Variants in CAMKK2 observed in about 807,000 individuals in gnomAD.
CAMKK2 encodes the protein calcium/calmodulin-dependent protein kinase kinase 2.
Under a neutral mutation model 67.2 loss-of-function variants are expected in CAMKK2, and 30 were observed. The observed-to-expected ratio is 0.45, with a 90% CI of 0.33 to 0.61. The LOEUF (loss-of-function observed/expected upper bound fraction) is 0.61. CAMKK2 is among the 20% of genes least tolerant of loss of function. The probability of loss-of-function intolerance (pLI) is 0.02; values close to 1 mark genes in which losing one functional copy is unlikely to be tolerated. For synonymous variants in CAMKK2, 322 were observed against 326.2 expected (o/e 0.99, Z 0.14); for missense variants, 643 against 802.0 (o/e 0.80, Z 2.39).
At chr12:121,287,217 A>G (rs1429059302) in intron 1 of CAMKK2, among the ~76,000 whole-genome samples, 1 of 152,080 alleles carries the variant, frequency 6.6e-6, no homozygotes, top group Non-Finnish European at 1.5e-5. Context: ...GTTTCAATTT[A>G]TTTTAAAACG....
At chr12:121,297,404 G>C, upstream of CAMKK2, 1 of 354,604 alleles carries the variant, frequency 2.8e-6, no homozygotes, top group East Asian at 7.5e-5. Flanking sequence ...AAAGGCTGGG[G>C]GAAGGCGTTC....
chr12:121,244,053 G>A, intron 16 of CAMKK2: 1 of 1,596,052 alleles, frequency 6.3e-7, no homozygotes, highest in Non-Finnish European at 8.5e-7. Flanking sequence ...CTGACAGCAA[G>A]AAGGTCTGCA....
At chr12:121,247,363 G>A (rs572921849) in intron 14 of CAMKK2, among the ~76,000 whole-genome samples, 2 of 152,266 alleles carry the variant, frequency 1.3e-5, no homozygotes, top group African/African-American at 4.8e-5. Flanking sequence ...GAAACCACTC[G>A]GTGTTCAACA....
At chr12:121,246,653 C>A (rs1486800498) in intron 14 of CAMKK2, among the ~76,000 whole-genome samples, 1 of 152,108 alleles carries the variant, frequency 6.6e-6, no homozygotes, top group African/African-American at 2.4e-5. Flanking sequence ...GATGTCACTC[C>A]CCAGGTGAGC....
In CAMKK2 at chr12:121,253,544, G is replaced by A; in HGVS notation, c.908-72C>T. ...CGTGAGCACCTCTATGCGGCCACAT[G>A]GCCTGGAGACACAGGCATGGCACCC... On this transcript the variant is annotated intron_variant, in intron 9 of 16. Coordinates refer to ENST00000404169, the MANE Select transcript of CAMKK2 (RefSeq NM_001270485.2). This position sits in a 1 kb window ranked among gnomAD's most constrained non-coding sequence, Gnocchi z 5.0. 4 of 1,301,864 alleles carry A rather than the reference G, an allele frequency of 3.1e-6. No homozygotes were observed. The South Asian group carries it at 3.6e-5, about 12-fold the overall frequency. The allele number at this position is 1,301,864 out of a possible 1,614,324, so 80.6% of individuals were successfully genotyped here. A position where few individuals can be genotyped will look rare whatever the true frequency, so the allele number is the denominator to read the frequency against.
chr12:121,297,739 TC>T (rs1901539658), upstream of CAMKK2: 1 of 511,362 alleles, frequency 2.0e-6, no homozygotes, highest in African/African-American at 1.9e-5. Flanking sequence ...AATAAAAGGT[TC>T]AAAGCCCTCT....
Position 121,255,735 on chromosome 12 carries a change from G to C in CAMKK2, c.818+48C>G, listed in dbSNP as rs371435898. On this transcript the variant is annotated intron_variant, in intron 8 of 16. Transcript: ENST00000404169. The stretch of plus-strand genomic sequence containing the variant: ...CAGTGGCACCTCACTCAGCTATGCA[G>C]CTACAGAAGCTTCTTGCATCACCCC... 28 of 1,611,306 alleles carry C rather than the reference G, an allele frequency of 1.7e-5. No individual in the cohort carries two copies. In the African/African-American group the frequency reaches 3.5e-4, roughly 20 times the overall value.
intron 16 of CAMKK2, 96 bp downstream of exon 16, chr12:121,244,474 GAGC>G: frequency 2.6e-6 from 3 of 1,158,126 alleles, no homozygotes; most frequent in Non-Finnish European, 3.7e-6. Flanking sequence ...AGGCTGGAAG[GAGC>G]ATCTGCCCGG....
chr12:121,242,349 A>C, intron 16 of CAMKK2, among the ~76,000 whole-genome samples: 1 of 151,320 alleles, frequency 6.6e-6, no homozygotes, highest in Non-Finnish European at 1.5e-5. Context: ...TCTCAAAAAA[A>C]AAAAAGAAAG....
upstream of CAMKK2, chr12:121,296,717 C>T (rs1470848833): frequency 4.8e-5 from 7 of 147,350 alleles, no homozygotes; most frequent in Non-Finnish European, 7.6e-5. This position sits in a 1 kb window ranked among gnomAD's most constrained non-coding sequence, Gnocchi z 7.1. Flanking sequence ...TCTGCGCGGC[C>T]GCGCGCTCCT....
At chr12:121,266,854 G>A (rs901791610) in intron 5 of CAMKK2, among the ~76,000 whole-genome samples, 3 of 151,904 alleles carry the variant, frequency 2.0e-5, no homozygotes, top group African/African-American at 7.3e-5. Context: ...AATGCTGGCA[G>A]GGAGCTTATG....
intron 16 of CAMKK2, 45 bp downstream of exon 16, chr12:121,244,528 C>G: frequency 5.2e-6 from 8 of 1,541,856 alleles, no homozygotes; most frequent in South Asian, 1.2e-5. Flanking sequence ...CACCCGCCCC[C>G]CTCAGGCCCC....
chr12:121,254,380 C>T (rs1891428688), intron 9 of CAMKK2, among the ~76,000 whole-genome samples: 3 of 152,064 alleles, frequency 2.0e-5, no homozygotes, highest in Admixed American at 6.6e-5. Flanking sequence ...ATTGCTTGAA[C>T]CCAGGAGGCA....
At chr12:121,283,665 A>T (rs1255182077) in intron 1 of CAMKK2, among the ~76,000 whole-genome samples, 2 of 152,134 alleles carry the variant, frequency 1.3e-5, no homozygotes, top group Non-Finnish European at 2.9e-5. Context: ...AAATTTTTTA[A>T]ATTAGTTGGG....
At chr12:121,281,067 C>T (rs1189211281) in intron 1 of CAMKK2, among the ~76,000 whole-genome samples, 1 of 152,216 alleles carries the variant, frequency 6.6e-6, no homozygotes, top group South Asian at 2.1e-4. Context: ...ACGGAACCTA[C>T]CGACATGTGA....
intron 14 of CAMKK2, among the ~76,000 whole-genome samples, chr12:121,248,063 T>C (rs968540612): frequency 2.0e-5 from 3 of 152,220 alleles, no homozygotes; most frequent in East Asian, 1.9e-4. Context: ...CTGAGGACTC[T>C]ACATTCTGGC....
At position 121,242,352 on chromosome 12, in the gene CAMKK2, AAAG is replaced by A. The variant is rs553571259; in HGVS notation, c.1597-1486_1597-1484del. On this transcript the variant is annotated intron_variant, in intron 16 of 16. Coordinates refer to ENST00000404169, the MANE Select transcript of CAMKK2 (RefSeq NM_001270485.2). Reference sequence around the variant, plus strand: ...TGCAAGACCCTGTCTCAAAAAAAAAAAAGAAAGAAAGAAAGAAAGAAAGAAAAT... The same window carrying A: ...TGCAAGACCCTGTCTCAAAAAAAAAAAAAGAAAGAAAGAAAGAAAGAAAAT... 9.5e-3 allele frequency among the ~76,000 whole-genome samples: 1,257 copies of A among 131,996 alleles called. 13 individuals carry two copies. The highest frequency in any genetic ancestry group is 0.036 in the African/African-American group (1,197 of 33,468). 86.6% of individuals were successfully genotyped at this position (131,996 alleles called of 152,430 possible). A position where few individuals can be genotyped will look rare whatever the true frequency, so the allele number is the denominator to read the frequency against.
At chr12:121,242,985 G>A (rs984773832) in intron 16 of CAMKK2, among the ~76,000 whole-genome samples, 13 of 150,608 alleles carry the variant, frequency 8.6e-5, no homozygotes, top group Middle Eastern at 6.9e-3. Flanking sequence ...CTCGTCATTC[G>A]CCTGCCTTGG....
rs193198274 is a variant in CAMKK2 at position 121,246,673 on chromosome 12, C to A, written c.1453-1433G>T. Among the ~76,000 whole-genome samples the A allele has an allele frequency of 1.0e-3, 154 of 152,240 alleles. 3 individuals are homozygous for A. Among genetic ancestry groups the A allele is most frequent in the Admixed American group, 0.01 (153 of 15,288 alleles). On this transcript the variant is annotated intron_variant, in intron 14 of 16. Transcript: ENST00000404169. ...CACTCCCCAGGTGAGCCCACCCTGC[C>A]GCCTCCCCTGTGGCCTTGTCAACCC...
Sources: gnomAD v4.1 joint callset for allele counts (sites outside exome capture counted in the v4.1 genomes callset) on GRCh38, gnomAD v4.1.1 for gene constraint, Gnocchi (gnomAD v3.1) non-coding constraint, MANE v1.5 for transcripts, NCBI Gene and HGNC (gene_info 2026-07-23, HGNC 2026-07-21) for gene names.